MTMR2: variants seen among roughly 807,000 people sequenced by gnomAD.
The protein encoded by MTMR2 is phosphatidylinositol-3,5-bisphosphate 3-phosphatase MTMR2.
A neutral mutation model predicts 86.9 loss-of-function variants in MTMR2; 55 were observed. That is an observed-to-expected ratio of 0.63 (90% CI 0.51 to 0.79). MTMR2 has a LOEUF of 0.79. MTMR2 is among the 30% of genes least tolerant of loss of function. MTMR2 has a pLI of 0.00. For synonymous variants in MTMR2, 241 were observed against 266.8 expected (o/e 0.90, Z 0.94); for missense variants, 659 against 772.3 (o/e 0.85, Z 1.74).
chr11:95,838,067 T>C (rs749461263), intron 13 of MTMR2, 27 bp downstream of exon 13: 5 of 1,303,854 alleles, frequency 3.8e-6, no homozygotes, highest in Non-Finnish European at 5.6e-6. Flanking sequence ...AGAGATAGTA[T>C]GGGGAAGGTC....
intron 1 of MTMR2, chr11:95,914,106 G>C (rs756052908): frequency 2.5e-6 from 2 of 801,786 alleles, no homozygotes; most frequent in Non-Finnish European, 1.5e-6. Context: ...ACAGGGACTT[G>C]GAAATGGAAC....
Position 95,862,338 on chromosome 11 carries a change from G to T in MTMR2, c.291C>A (p.Phe97Leu), listed in dbSNP as rs780362876. The T allele has an allele frequency of 6.2e-7, 1 of 1,614,044 alleles. No individual in the cohort carries two copies. Among genetic ancestry groups the T allele is most frequent in the East Asian group, 2.2e-5 (1 of 44,864 alleles). The change falls in exon 4 of 15, where the codon TTC (phenylalanine) becomes TTA (leucine). Residue 97 changes from phenylalanine (F) to leucine (L), a missense_variant. By Grantham distance (22) the Phe-to-Leu change is conservative. Transcript: ENST00000346299. ...MAKDVTYICPFTGAVRGTLTV... is the reference protein window; with the variant it reads ...MAKDVTYICPLTGAVRGTLTV... ...TCAGAGTTCCTCGTACAGCGCCAGTGAATGGACATATATAAGTTACATCTT... is the reference window on the plus strand; with the variant it reads ...TCAGAGTTCCTCGTACAGCGCCAGTTAATGGACATATATAAGTTACATCTT...
chr11:95,849,605 A>T, intron 9 of MTMR2, 69 bp downstream of exon 9: 1 of 1,404,198 alleles, frequency 7.1e-7, no homozygotes, highest in Non-Finnish European at 1.0e-6. Context: ...TCTTTTTACT[A>T]CACTGTGGCC....
At chr11:95,868,019 A>T (rs1864682124) in intron 2 of MTMR2, among the ~76,000 whole-genome samples, 1 of 152,112 alleles carries the variant, frequency 6.6e-6, no homozygotes, top group Non-Finnish European at 1.5e-5. Flanking sequence ...TGCTCTCAGC[A>T]TCCTAGGAGG....
chr11:95,919,607 T>C (rs1866837472), intron 1 of MTMR2, among the ~76,000 whole-genome samples: 1 of 152,080 alleles, frequency 6.6e-6, no homozygotes, highest in Non-Finnish European at 1.5e-5. Flanking sequence ...GATGGATAAA[T>C]AGGTAGTTGA....
chr11:95,904,792 G>A (rs1423978124), intron 1 of MTMR2, among the ~76,000 whole-genome samples: 1 of 152,112 alleles, frequency 6.6e-6, no homozygotes, highest in Non-Finnish European at 1.5e-5. Context: ...TTTACTCTAT[G>A]GACTCACCCC....
chr11:95,835,415 T>C lies in MTMR2; in HGVS notation c.1807A>G (p.Lys603Glu). 6.2e-7 allele frequency: 1 copy of C among 1,613,084 alleles called. No individual in the cohort carries two copies. The highest frequency in any genetic ancestry group is 8.5e-7 in the Non-Finnish European group (1 of 1,179,272). Residue 603 changes from lysine (K) to glutamate (E), a missense_variant, in exon 15 of 15, where the codon AAA (lysine) becomes GAA (glutamate). By Grantham distance (56) the Lys-to-Glu change is moderately conservative (BLOSUM62 1). Around this residue, in one of 3 missense-constraint regions of MTMR2, gnomAD observed 193 missense variants for 191.6 expected, o/e 1.01. Coordinates refer to ENST00000346299, the MANE Select transcript of MTMR2 (RefSeq NM_016156.6). ...IHNRYKELLAKRAELQKKVEE... is the reference protein window; with the variant it reads ...IHNRYKELLAERAELQKKVEE... The stretch of plus-strand genomic sequence containing the variant: ...ACTTTTTTCTGAAGCTCTGCTCGTT[T>C]AGCAAGAAGTTCTTTGTATCTGTTG...
intron 3 of MTMR2, among the ~76,000 whole-genome samples, chr11:95,865,269 T>C (rs534767488): frequency 4.6e-5 from 7 of 152,290 alleles, no homozygotes; most frequent in Non-Finnish European, 5.9e-5. Context: ...TATCTGAATA[T>C]AGTAATTCAA....
In MTMR2 at chr11:95,833,539, T is replaced by G. The variant is rs376347653; in HGVS notation, c.*1751A>C. 2.0e-5 allele frequency: 3 copies of G among 152,004 alleles called. No individual in the cohort carries two copies. The East Asian group carries it at 5.8e-4, about 29-fold the overall frequency. The allele number at this position is 152,004 out of a possible 1,614,324, so 9.4% of individuals were successfully genotyped here. A position where few individuals can be genotyped will look rare whatever the true frequency, so the allele number is the denominator to read the frequency against. ...GAAGGTGAGGGGAACCACTGGAAGG[T>G]TCTCAGCAGAGAAGTGGTAGGGTTG... On this transcript the variant is annotated 3_prime_UTR_variant, in exon 15 of 15. Transcript: ENST00000346299.
intron 1 of MTMR2, among the ~76,000 whole-genome samples, chr11:95,897,308 AT>A (rs1482326562): frequency 1.1e-4 from 16 of 152,214 alleles, no homozygotes; most frequent in East Asian, 1.9e-4. Context: ...ATTAAAATAA[AT>A]TTTTTATACA....
rs1863265740 is a variant in MTMR2, at chr11:95,836,134, T to C, written c.1770+14A>G. Reference sequence around the variant, plus strand: ...ATGAATGAAAACTCCCATTGTATATTGTAAGGCACATACCTGTGGTTTCAT... The same window carrying C: ...ATGAATGAAAACTCCCATTGTATATCGTAAGGCACATACCTGTGGTTTCAT... On this transcript the variant is annotated intron_variant, in intron 14 of 14. Transcript: ENST00000346299. 6.2e-7 allele frequency: 1 copy of C among 1,608,206 alleles called. No homozygotes were observed. The highest frequency in any genetic ancestry group is 8.5e-7 in the Non-Finnish European group (1 of 1,176,482).
At chr11:95,837,771 T>C (rs1324095798) in intron 13 of MTMR2, among the ~76,000 whole-genome samples, 1 of 152,072 alleles carries the variant, frequency 6.6e-6, no homozygotes, top group Admixed American at 6.6e-5. Flanking sequence ...TTTCTGCACC[T>C]GCTGTAAAGG....
intron 2 of MTMR2, among the ~76,000 whole-genome samples, chr11:95,872,674 G>A (rs1286475209): frequency 1.3e-5 from 2 of 152,174 alleles, no homozygotes; most frequent in African/African-American, 4.8e-5. Flanking sequence ...GTGAGAGAGG[G>A]CATCCCTGTC....
chr11:95,862,921 A>G (rs1864480142), intron 3 of MTMR2, among the ~76,000 whole-genome samples: 1 of 152,222 alleles, frequency 6.6e-6, no homozygotes, highest in Admixed American at 6.5e-5. Context: ...GAAAAATAAC[A>G]GTATAAGAAG....
At chr11:95,857,427 A>T (rs1306236779) in intron 7 of MTMR2, 125 bp downstream of exon 7, 5 of 707,096 alleles carry the variant, frequency 7.1e-6, no homozygotes, top group Non-Finnish European at 1.3e-5. Context: ...ATTCTGCTTT[A>T]ATCTCTTAAT....
intron 10 of MTMR2, among the ~76,000 whole-genome samples, chr11:95,845,694 C>T (rs1241248016): frequency 7.6e-6 from 1 of 131,412 alleles, no homozygotes; most frequent in Non-Finnish European, 1.8e-5. Context: ...GAGTGAGCTA[C>T]TTTTCTGTAA....
intron 1 of MTMR2, among the ~76,000 whole-genome samples, chr11:95,890,895 T>A (rs1865692902): frequency 6.6e-6 from 1 of 151,784 alleles, no homozygotes; most frequent in Non-Finnish European, 1.5e-5. Flanking sequence ...AAAATTAAAA[T>A]TTTTTAAATA....
chr11:95,893,542 G>A (rs760461454), intron 1 of MTMR2, among the ~76,000 whole-genome samples: 8 of 151,856 alleles, frequency 5.3e-5, no homozygotes, highest in Non-Finnish European at 8.8e-5. Flanking sequence ...CATTAGCCAC[G>A]ACTGTCCTGC....
intron 2 of MTMR2, among the ~76,000 whole-genome samples, chr11:95,877,892 G>C (rs1005580285): frequency 6.6e-6 from 1 of 151,950 alleles, no homozygotes; most frequent in Admixed American, 6.6e-5. Context: ...CCAGAACTAT[G>C]AAAGAATAAA....
Sources: allele counts gnomAD v4.1 joint callset (sites outside exome capture counted in the v4.1 genomes callset), GRCh38; gene constraint gnomAD v4.1.1; regional missense constraint gnomAD v4.1.1; transcripts MANE v1.5; gene names NCBI Gene and HGNC (gene_info 2026-07-23, HGNC 2026-07-21).